Variants in HLA-DRB5 observed in about 807,000 individuals in gnomAD.
The protein encoded by HLA-DRB5 is major histocompatibility complex, class II, DR beta 5, also known as DR beta-5.
In HLA-DRB5, 11 loss-of-function variants were observed where a neutral mutation model predicts 22.4. The ratio of observed to expected loss-of-function variants is 0.49; its 90% CI spans 0.31 to 0.81. HLA-DRB5 has a LOEUF of 0.81. HLA-DRB5 is among the 40% of genes least tolerant of loss of function. The pLI, the probability that HLA-DRB5 is intolerant of heterozygous loss-of-function variation, is 0.05. For synonymous variants in HLA-DRB5, 57 were observed against 106.0 expected (o/e 0.54, Z 2.84); for missense variants, 106 against 274.4 (o/e 0.39, Z 4.34).
chr6:32,529,046 G>C (rs201829255), intron 1 of HLA-DRB5, among the ~76,000 whole-genome samples: 6 of 147,624 alleles, frequency 4.1e-5, no homozygotes, highest in East Asian at 4.1e-4. Context: ...GGGAAAAATA[G>C]AGAGAAACTG....
At chr6:32,524,406 G>T (rs1769333100) in intron 1 of HLA-DRB5, among the ~76,000 whole-genome samples, 1 of 117,498 alleles carries the variant, frequency 8.5e-6, no homozygotes, top group Non-Finnish European at 1.8e-5. Flanking sequence ...CCCATTTAAT[G>T]CCCCAACTAA....
rs1189709369 is a variant in HLA-DRB5 at position 32,520,176 on chromosome 6, T to C, written c.371-525A>G. ...TAAAGCTTCTCACTCCATTCCACTGTGAGAGGGCTCATCACACTTGGGTGT... is the reference window on the plus strand; with the variant it reads ...TAAAGCTTCTCACTCCATTCCACTGCGAGAGGGCTCATCACACTTGGGTGT... On this transcript the variant is annotated intron_variant, in intron 2 of 5. Transcript: ENST00000374975. 4.8e-5 allele frequency among the ~76,000 whole-genome samples: 3 copies of C among 62,668 alleles called. 1 individual carries two copies. In the Admixed American group the frequency reaches 6.2e-4, roughly 13 times the overall value. 41.1% of individuals were successfully genotyped at this position (62,668 alleles called of 152,430 possible).
chr6:32,521,534 A>G (rs117773388), intron 2 of HLA-DRB5, among the ~76,000 whole-genome samples: 1 of 79,672 alleles, frequency 1.3e-5, no homozygotes, highest in African/African-American at 4.9e-5. Context: ...AACCACACAC[A>G]CCTTACACTT....
At position 32,528,172 on chromosome 6, in the gene HLA-DRB5, T is replaced by A. The variant is rs1769842871; in HGVS notation, c.100+1953A>T. Among the ~76,000 whole-genome samples, 2 of 67,184 alleles carry A rather than the reference T, an allele frequency of 3.0e-5. 1 individual carries two copies. Among genetic ancestry groups the A allele is most frequent in the African/African-American group, 1.3e-4 (2 of 15,398 alleles). The allele number at this position is 67,184 out of a possible 152,430, so 44.1% of individuals were successfully genotyped here. ...GTTTTCTCAGCTGGATGTCACTTTC[T>A]CAAGTAGGGCTCTCTAGACATATGA... is the stretch of plus-strand genomic sequence containing the variant. On this transcript the variant is annotated intron_variant, in intron 1 of 5. Transcript: ENST00000374975.
intron 2 of HLA-DRB5, among the ~76,000 whole-genome samples, chr6:32,520,151 T>G (rs113970288): frequency 0.2 from 8,673 of 43,370 alleles, 3,250 homozygotes; most frequent in East Asian, 0.24. Context: ...TATGAGGTCA[T>G]AAAGCTTCTC....
At chr6:32,529,744 A>T (rs1274366552) in intron 1 of HLA-DRB5, among the ~76,000 whole-genome samples, 3 of 124,044 alleles carry the variant, frequency 2.4e-5, no homozygotes, top group Non-Finnish European at 5.1e-5. Flanking sequence ...AATTCCCTTG[A>T]CTCCCACAAA....
At chr6:32,522,746 T>G (rs73405195) in intron 1 of HLA-DRB5, among the ~76,000 whole-genome samples, 3,952 of 38,988 alleles carry the variant, frequency 0.1, 671 homozygotes, top group Middle Eastern at 0.24. Context: ...GAGAAATGTC[T>G]GAAGTGTGGA....
At chr6:32,525,217 T>C (rs1302360050) in intron 1 of HLA-DRB5, among the ~76,000 whole-genome samples, 512 of 35,680 alleles carry the variant, frequency 0.014, 1 homozygote, top group Middle Eastern at 0.019. Context: ...TGAATTGAAA[T>C]ATGACCTCTT....
chr6:32,522,915 A>G (rs796790731), intron 1 of HLA-DRB5, among the ~76,000 whole-genome samples: 3,134 of 26,504 alleles, frequency 0.12, 916 homozygotes, highest in Middle Eastern at 0.34. Context: ...AAACGGGGGA[A>G]GCACATTTCA....
At chr6:32,524,580 C>T (rs1358249969) in intron 1 of HLA-DRB5, among the ~76,000 whole-genome samples, 1,008 of 91,458 alleles carry the variant, frequency 0.011, 35 homozygotes, top group South Asian at 0.028. Context: ...TGAGCAGGTC[C>T]CCAGACTTTG....
intron 1 of HLA-DRB5, among the ~76,000 whole-genome samples, chr6:32,524,188 C>A (rs111779823): frequency 0.64 from 60,417 of 94,464 alleles, 24,380 homozygotes; most frequent in Middle Eastern, 0.79. Flanking sequence ...CTACATAAAA[C>A]GAATGCTTTA....
At chr6:32,528,088 CCA>C (rs1463592346) in intron 1 of HLA-DRB5, among the ~76,000 whole-genome samples, 497 of 33,824 alleles carry the variant, frequency 0.015, no homozygotes, top group Non-Finnish European at 0.018. Context: ...GGCTTCCCCC[CCA>C]ATTCGGTCTC....
chr6:32,528,195 T>C (rs144115779), intron 1 of HLA-DRB5, among the ~76,000 whole-genome samples: 5,667 of 55,648 alleles, frequency 0.1, 1,205 homozygotes, highest in Middle Eastern at 0.24. Flanking sequence ...TCTAGACATA[T>C]GAACTAAAGT....
chr6:32,524,843 A>AATTATGATTGTGT (rs1769405998), intron 1 of HLA-DRB5, among the ~76,000 whole-genome samples: 1 of 73,454 alleles, frequency 1.4e-5, no homozygotes, highest in African/African-American at 5.4e-5. Context: ...TGCCCAGGTA[A>AATTATGATTGTGT]ATCTGGATTT....
At chr6:32,519,873 A>AAG in intron 2 of HLA-DRB5, among the ~76,000 whole-genome samples, 1 of 80,674 alleles carries the variant, frequency 1.2e-5, no homozygotes, top group East Asian at 3.6e-4. Context: ...TTTCTTCATC[A>AAG]CTTGAAATTG....
At chr6:32,520,260 T>C (rs113151974) in intron 2 of HLA-DRB5, among the ~76,000 whole-genome samples, 15,399 of 36,814 alleles carry the variant, frequency 0.42, 5,937 homozygotes, top group Middle Eastern at 0.5. Context: ...TGATTTAAAG[T>C]AATGTGGATA....
chr6:32,519,873 A>G (rs369203790), intron 2 of HLA-DRB5, among the ~76,000 whole-genome samples: 18,728 of 70,218 alleles, frequency 0.27, 3,318 homozygotes, highest in East Asian at 0.38. Context: ...TTTCTTCATC[A>G]CTTGAAATTG....
chr6:32,519,153 G>A (rs1221479035), intron 3 of HLA-DRB5, among the ~76,000 whole-genome samples: 963 of 62,736 alleles, frequency 0.015, no homozygotes, highest in Middle Eastern at 0.027. Flanking sequence ...TCAAAACAGG[G>A]ACAGCCTCTC....
chr6:32,523,712 G>A (rs75540255), intron 1 of HLA-DRB5, among the ~76,000 whole-genome samples: 1 of 114,686 alleles, frequency 8.7e-6, no homozygotes, highest in African/African-American at 3.1e-5. Context: ...GATTCAACAA[G>A]AAAGTGGTTG....
Sources: allele counts gnomAD v4.1 joint callset (sites outside exome capture counted in the v4.1 genomes callset), GRCh38; gene constraint gnomAD v4.1.1; transcripts MANE v1.5; gene names NCBI Gene and HGNC (gene_info 2026-07-23, HGNC 2026-07-21).